The following WDR76 variants were observed in gnomAD, a reference collection of about 807,000 sequenced individuals.
The protein encoded by WDR76 is WD repeat domain 76, also known as WD repeat-containing protein 76.
WDR76 carries 52 observed loss-of-function variants against 70.2 expected under a neutral mutation model. That is an observed-to-expected ratio of 0.74 (90% CI 0.59 to 0.93). The LOEUF is 0.93. Ranked by LOEUF, WDR76 falls within the 40% of genes least tolerant of loss-of-function variation. The pLI, the probability that WDR76 is intolerant of heterozygous loss-of-function variation, is 0.00. For missense variants in WDR76, 756 were observed against 760.2 expected (o/e 0.99, Z 0.07); for synonymous variants, 292 against 271.1 (o/e 1.08, Z -0.76).
In WDR76 at chr15:43,858,822, A is replaced by G. The variant is rs2087962579; in HGVS notation, c.1561A>G (p.Arg521Gly). 1 of 1,611,900 alleles carries G rather than the reference A, an allele frequency of 6.2e-7. No homozygotes were observed. Among genetic ancestry groups the G allele is most frequent in the Non-Finnish European group, 8.5e-7 (1 of 1,179,498 alleles). The change falls in exon 11 of 13, where the codon AGA (arginine) becomes GGA (glycine). Residue 521 changes from arginine (R) to glycine (G), a missense_variant and splice_region_variant. Coordinates refer to ENST00000263795, the MANE Select transcript of WDR76 (RefSeq NM_024908.4). ...VVTTCADCNL[R>G]IFDSSCISSK... ...GACCACATGTGCTGATTGTAATCTG[A>G]GGTAAATTGGGAAGGCAGAAATGTT...
At chr15:43,847,896 C>G (rs566464575) in intron 8 of WDR76, among the ~76,000 whole-genome samples, 1 of 152,002 alleles carries the variant, frequency 6.6e-6, no homozygotes, top group African/African-American at 2.4e-5. Context: ...GTTTAATTAT[C>G]ATAGTCTGGT....
rs1455325677 is a variant in WDR76, at chr15:43,828,455, TACAA to T, written c.462+94_462+97del. 3 of 1,207,218 alleles carry T rather than the reference TACAA, an allele frequency of 2.5e-6. No homozygotes were observed. The East Asian group carries it at 7.2e-5, about 29-fold the overall frequency. The allele number at this position is 1,207,218 out of a possible 1,614,324, so 74.8% of individuals were successfully genotyped here. ...CGAAGTTTTTCGAGGATCTCTCTGG[TACAA>T]ACAAGTTATTTCATCATCTAATGTA... On this transcript the variant is annotated intron_variant, in intron 2 of 12. Transcript: ENST00000263795.
chr15:43,838,465 T>C, intron 4 of WDR76, among the ~76,000 whole-genome samples: 1 of 152,122 alleles, frequency 6.6e-6, no homozygotes, highest in African/African-American at 2.4e-5. Context: ...GGATTACAGG[T>C]GTGAGCCACT....
intron 12 of WDR76, among the ~76,000 whole-genome samples, chr15:43,863,524 T>C (rs914445503): frequency 2.7e-5 from 4 of 148,638 alleles, no homozygotes; most frequent in African/African-American, 7.4e-5. Flanking sequence ...AACCTTTCCC[T>C]CTCTGCCCAG....
chr15:43,862,960 G>T (rs1435171034), intron 12 of WDR76, among the ~76,000 whole-genome samples: 1 of 151,926 alleles, frequency 6.6e-6, no homozygotes, highest in Non-Finnish European at 1.5e-5. Flanking sequence ...TTTAGAGACA[G>T]AGTCTCGCTC....
chr15:43,865,438 A>C (rs2088058698), intron 12 of WDR76, among the ~76,000 whole-genome samples: 1 of 152,114 alleles, frequency 6.6e-6, no homozygotes, highest in Non-Finnish European at 1.5e-5. Flanking sequence ...ATGGCCAGCT[A>C]ATTTTCCTAT....
intron 12 of WDR76, among the ~76,000 whole-genome samples, chr15:43,861,832 ATT>A (rs898404641): frequency 0.15 from 15,221 of 103,884 alleles, 745 homozygotes; most frequent in African/African-American, 0.25. Context: ...GTATTTGTGT[ATT>A]TTTTTTTTTT....
chr15:43,843,276 C>T (rs1203037505), intron 7 of WDR76, among the ~76,000 whole-genome samples: 1 of 152,106 alleles, frequency 6.6e-6, no homozygotes, highest in Non-Finnish European at 1.5e-5. Flanking sequence ...CTGCCTTGGA[C>T]TCCCAAAGTG....
chr15:43,852,874 T>C (rs2087879483), intron 9 of WDR76, among the ~76,000 whole-genome samples: 1 of 152,180 alleles, frequency 6.6e-6, no homozygotes, highest in African/African-American at 2.4e-5. Flanking sequence ...TGAACATTTG[T>C]GTTTCTATTC....
At position 43,834,059 on chromosome 15, in the gene WDR76, T is replaced by C. The variant is rs1424661401; in HGVS notation, c.463-1002T>C. ...TTTGTCTTTTCTGTTCATGTGTTTA[T>C]CTTTTTGTTCTACTTTCTAAATTTA... On this transcript the variant is annotated intron_variant, in intron 2 of 12. Coordinates refer to ENST00000263795, the MANE Select transcript of WDR76 (RefSeq NM_024908.4). Among the ~76,000 whole-genome samples the C allele has an allele frequency of 3.3e-5, 5 of 152,222 alleles. 1 individual carries two copies. Among genetic ancestry groups the C allele is most frequent in the Non-Finnish European group, 1.5e-5 (1 of 68,038 alleles).
chr15:43,848,648 A>G (rs952607466), intron 8 of WDR76, among the ~76,000 whole-genome samples: 1 of 152,148 alleles, frequency 6.6e-6, no homozygotes, highest in Non-Finnish European at 1.5e-5. Flanking sequence ...CTGGTATAAA[A>G]TAATGAACAA....
chr15:43,831,901 T>C (rs1024852919), intron 2 of WDR76, among the ~76,000 whole-genome samples: 7 of 152,048 alleles, frequency 4.6e-5, no homozygotes, highest in Non-Finnish European at 8.8e-5. Context: ...TGGTGCGATC[T>C]CAGCTTACTG....
intron 8 of WDR76, among the ~76,000 whole-genome samples, chr15:43,845,026 A>G (rs1311087598): frequency 1.1e-4 from 13 of 121,982 alleles, no homozygotes; most frequent in Non-Finnish European, 1.9e-4. Context: ...CAGTGGTGTG[A>G]TCTCGGCTCA....
chr15:43,855,121 C>G (rs548153986), intron 9 of WDR76, among the ~76,000 whole-genome samples: 1 of 152,252 alleles, frequency 6.6e-6, no homozygotes, highest in African/African-American at 2.4e-5. Flanking sequence ...GATTTGTAGA[C>G]TTTTGTTTCT....
rs537822000 is a variant in WDR76 at position 43,849,054 on chromosome 15, A to G, written c.1033-2033A>G. Among the ~76,000 whole-genome samples the G allele has an allele frequency of 1.8e-3, 275 of 151,544 alleles. 3 individuals are homozygous for G. Among genetic ancestry groups the G allele is most frequent in the African/African-American group, 6.4e-3 (262 of 41,210 alleles). On this transcript the variant is annotated intron_variant, in intron 8 of 12. Transcript: ENST00000263795. ...GCCAAGCATGGTGGTGGGTGCCTGT[A>G]ATCCCAGCGACTCAGGAGGCTGAGA...
chr15:43,850,293 TTTTA>T (rs2087840897), intron 8 of WDR76, among the ~76,000 whole-genome samples: 1 of 151,396 alleles, frequency 6.6e-6, no homozygotes, highest in African/African-American at 2.4e-5. Flanking sequence ...TTTTATTTTA[TTTTA>T]TTTTATTTTA....
At chr15:43,866,075 G>A in intron 12 of WDR76, 53 bp from the exon 13 acceptor site, 1 of 1,595,446 alleles carries the variant, frequency 6.3e-7, no homozygotes, top group Non-Finnish European at 8.6e-7. Context: ...TCTGCCCAAT[G>A]CTACCTTATT....
intron 2 of WDR76, among the ~76,000 whole-genome samples, chr15:43,828,893 T>C (rs2087551302): frequency 7.6e-6 from 1 of 131,222 alleles, no homozygotes; most frequent in Non-Finnish European, 1.5e-5. Context: ...GAATTTGGTG[T>C]GTAATTTTTT....
chr15:43,837,101 T>A (rs1225165367), intron 4 of WDR76, among the ~76,000 whole-genome samples: 2 of 151,200 alleles, frequency 1.3e-5, no homozygotes, highest in Admixed American at 1.3e-4. Flanking sequence ...AGCTTATAAG[T>A]GGTAGCTTTA....
Sources: gnomAD v4.1 joint callset for allele counts (sites outside exome capture counted in the v4.1 genomes callset) on GRCh38, gnomAD v4.1.1 for gene constraint, MANE v1.5 for transcripts, NCBI Gene and HGNC (gene_info 2026-07-23, HGNC 2026-07-21) for gene names.